ADARB2: variants seen among roughly 807,000 people sequenced by gnomAD.
The protein encoded by ADARB2 is inactive double-stranded RNA-specific editase B2.
Under a neutral mutation model 62.2 loss-of-function variants are expected in ADARB2, and 25 were observed. The ratio of observed to expected loss-of-function variants is 0.40; its 90% CI spans 0.29 to 0.56. The LOEUF is 0.56. Ranked by LOEUF, ADARB2 falls within the 20% of genes least tolerant of loss-of-function variation. The pLI is 0.43. For missense variants in ADARB2, 1,071 were observed against 1,077.4 expected, an observed-to-expected ratio of 0.99 and a Z score of 0.08; for synonymous variants, 572 against 500.8, an observed-to-expected ratio of 1.14 and a Z score of -1.90.
intron 1 of ADARB2, among the ~76,000 whole-genome samples, chr10:1,564,708 G>A (rs971235052): frequency 1.1e-4 from 16 of 151,404 alleles, no homozygotes; most frequent in African/African-American, 3.4e-4. Flanking sequence ...AAACCACAGC[G>A]AGATACCATC....
chr10:1,432,678 C>T (rs1830788718), intron 1 of ADARB2, among the ~76,000 whole-genome samples: 1 of 151,640 alleles, frequency 6.6e-6, no homozygotes, highest in Non-Finnish European at 1.5e-5. Context: ...GTACAGATTG[C>T]CATTCAATAT....
intron 1 of ADARB2, among the ~76,000 whole-genome samples, chr10:1,652,758 T>C (rs542949458): frequency 1.3e-5 from 2 of 152,322 alleles, no homozygotes; most frequent in African/African-American, 4.8e-5. Flanking sequence ...CCATTTTTAA[T>C]GCAGTTAGAT....
At chr10:1,710,674 C>G (rs189359804) in intron 1 of ADARB2, among the ~76,000 whole-genome samples, 1 of 152,366 alleles carries the variant, frequency 6.6e-6, no homozygotes, top group African/African-American at 2.4e-5. Flanking sequence ...TCAGCGTGGA[C>G]TGCAGAGAGG....
chr10:1,710,060 G>A (rs1488969499), intron 1 of ADARB2, among the ~76,000 whole-genome samples: 1 of 152,190 alleles, frequency 6.6e-6, no homozygotes, highest in Admixed American at 6.5e-5. Context: ...GTCGAGGACG[G>A]TTTGTCCTAA....
rs145721595 is a variant in ADARB2, at chr10:1,407,425, G to A, written c.101-28265C>T. Among the ~76,000 whole-genome samples, 107 of 152,298 alleles carry A rather than the reference G, an allele frequency of 7.0e-4. No homozygotes were observed. In the Middle Eastern group the frequency reaches 0.014, roughly 19 times the overall value. ...TGGGGTCTCTGGCTTAACCCCTGGC[G>A]GTGGTCCCATTGGTGACCCACTGGC... is the stretch of plus-strand genomic sequence containing the variant. On this transcript the variant is annotated intron_variant, in intron 1 of 9. Transcript: ENST00000381312.
At chr10:1,581,723 C>G (rs1833101664) in intron 1 of ADARB2, among the ~76,000 whole-genome samples, 1 of 152,040 alleles carries the variant, frequency 6.6e-6, no homozygotes, top group Admixed American at 6.5e-5. Flanking sequence ...ACAGCACATA[C>G]AGATGAGAGA....
chr10:1,638,159 T>C (rs1240476677), intron 1 of ADARB2, among the ~76,000 whole-genome samples: 1 of 152,168 alleles, frequency 6.6e-6, no homozygotes, highest in East Asian at 1.9e-4. Flanking sequence ...CCAATATAAA[T>C]GAAGCAACTT....
chr10:1,447,927 G>A (rs776024360), intron 1 of ADARB2, among the ~76,000 whole-genome samples: 1 of 152,224 alleles, frequency 6.6e-6, no homozygotes, highest in South Asian at 2.1e-4. Flanking sequence ...TTTTATAGCT[G>A]CATAGTATTG....
chr10:1,380,187 C>T (rs886649687), intron 1 of ADARB2, among the ~76,000 whole-genome samples: 4 of 152,198 alleles, frequency 2.6e-5, no homozygotes, highest in Non-Finnish European at 4.4e-5. Flanking sequence ...TCACATGTGC[C>T]ATTATGAACC....
At chr10:1,640,177 T>A (rs1246205274) in intron 1 of ADARB2, among the ~76,000 whole-genome samples, 1 of 152,208 alleles carries the variant, frequency 6.6e-6, no homozygotes, top group Non-Finnish European at 1.5e-5. Context: ...CCTTAGCCAG[T>A]TTGTTAGAGA....
Position 1,299,153 on chromosome 10 carries a change from G to GT in ADARB2, c.1078-28085dup, listed in dbSNP as rs571664617. The stretch of plus-strand genomic sequence containing the variant: ...TGTCTTGTGTGTTAAGAAGGAAAGC[G>GT]TAAGTGACTAGGAGACCAGATCACA... On this transcript the variant is annotated intron_variant, in intron 3 of 9. Transcript: ENST00000381312. Among the ~76,000 whole-genome samples, 191 of 152,138 alleles carry GT rather than the reference G, an allele frequency of 1.3e-3. 1 individual carries two copies. The highest frequency in any genetic ancestry group is 2.0e-3 in the Admixed American group (31 of 15,296).
intron 1 of ADARB2, among the ~76,000 whole-genome samples, chr10:1,724,138 T>C (rs1194372570): frequency 6.6e-6 from 1 of 152,060 alleles, no homozygotes; most frequent in Non-Finnish European, 1.5e-5. Context: ...GTGCGCAAGG[T>C]AAAATGAAGC....
chr10:1,553,274 C>T (rs1256672722), intron 1 of ADARB2, among the ~76,000 whole-genome samples: 1 of 152,226 alleles, frequency 6.6e-6, no homozygotes, highest in Non-Finnish European at 1.5e-5. Context: ...TTAGTTTTAG[C>T]TGCTTTTAAT....
rs151138936 is a variant in ADARB2, at chr10:1,367,841, C to T, written c.188-3924G>A. Among the ~76,000 whole-genome samples, 214 of 152,364 alleles carry T rather than the reference C, an allele frequency of 1.4e-3. 2 individuals are homozygous for T. The highest frequency in any genetic ancestry group is 2.3e-3 in the Non-Finnish European group (158 of 68,044). ...CACAGCAACGCTTTGCCGCTAGCTG[C>T]GCTGAATGCCTCTTCCTGACTCAAT... is the stretch of plus-strand genomic sequence containing the variant. On this transcript the variant is annotated intron_variant, in intron 2 of 9. Transcript: ENST00000381312.
At position 1,200,028 on chromosome 10, in the gene ADARB2, T is replaced by C; in HGVS notation, c.1802A>G (p.His601Arg). 1 of 1,592,814 alleles carries C rather than the reference T, an allele frequency of 6.3e-7. No homozygotes were observed. The highest frequency in any genetic ancestry group is 1.1e-5 in the South Asian group (1 of 89,196). The change falls in exon 8 of 10, where the codon CAC becomes CGC. Residue 601 changes from histidine (H) to arginine (R), a missense_variant. By Grantham distance (29) the His-to-Arg change is conservative. Coordinates refer to ENST00000381312, the MANE Select transcript of ADARB2 (RefSeq NM_018702.4). ...CAGCTGGCCGACACCCTCCATGCGG[T>C]GGCTCATGACGCGTGCGAGGTGGCC... is the stretch of plus-strand genomic sequence containing the variant. ...HTGHLARVMS[H>R]RMEGVGQLPA...
intron 1 of ADARB2, among the ~76,000 whole-genome samples, chr10:1,447,210 C>A (rs534070378): frequency 2.8e-4 from 43 of 152,322 alleles, no homozygotes; most frequent in Non-Finnish European, 5.6e-4. Context: ...TAGCTAGCAG[C>A]GCTTTATAAC....
intron 1 of ADARB2, among the ~76,000 whole-genome samples, chr10:1,669,716 C>A (rs1834358151): frequency 1.4e-5 from 2 of 144,218 alleles, no homozygotes; most frequent in Admixed American, 1.4e-4. Context: ...GGAGACACAC[C>A]TAGACACACA....
intron 1 of ADARB2, among the ~76,000 whole-genome samples, chr10:1,452,952 C>T (rs1437625993): frequency 2.6e-5 from 4 of 152,154 alleles, no homozygotes; most frequent in Admixed American, 6.5e-5. Context: ...TCCTGGTGGG[C>T]CGCGCAGAGC....
chr10:1,297,178 G>C (rs1402515487), intron 3 of ADARB2, among the ~76,000 whole-genome samples: 1 of 152,208 alleles, frequency 6.6e-6, no homozygotes, highest in Non-Finnish European at 1.5e-5. Context: ...AATTATCCTG[G>C]CCTTAGAGGA....
Sources: gnomAD v4.1 joint callset for allele counts (sites outside exome capture counted in the v4.1 genomes callset) on GRCh38, gnomAD v4.1.1 for gene constraint, MANE v1.5 for transcripts, NCBI Gene and HGNC (gene_info 2026-07-23, HGNC 2026-07-21) for gene names.